Variants in UVRAG observed in about 807,000 individuals in gnomAD.
UVRAG encodes the protein UV radiation resistance-associated gene protein.
In UVRAG, 19 loss-of-function variants were observed where a neutral mutation model predicts 78.0. The observed-to-expected ratio is 0.24, with a 90% CI of 0.17 to 0.36. The LOEUF is 0.36. UVRAG is among the 10% of genes least tolerant of loss of function. UVRAG has a pLI of 1.00. For synonymous variants in UVRAG, 323 were observed against 324.6 expected, an observed-to-expected ratio of 1.00 and a Z score of 0.05; for missense variants, 740 against 853.8, an observed-to-expected ratio of 0.87 and a Z score of 1.66.
chr11:76,027,777 G>C lies in UVRAG; in HGVS notation c.1226+10797G>C, dbSNP rs74325028. Among the ~76,000 whole-genome samples, 1,422 of 152,194 alleles carry C rather than the reference G, an allele frequency of 9.3e-3. 24 individuals carry two copies. The highest frequency in any genetic ancestry group is 0.033 in the African/African-American group (1,354 of 41,542). On this transcript the variant is annotated intron_variant, in intron 12 of 14. Coordinates refer to ENST00000356136, the MANE Select transcript of UVRAG (RefSeq NM_003369.4). ...AGAAGATGGGCCTAATAAAGGGCAA[G>C]GAATATTAAAAATGTAATCCAGTGG...
At chr11:75,992,287 T>C (rs1257940813) in intron 8 of UVRAG, among the ~76,000 whole-genome samples, 1 of 152,224 alleles carries the variant, frequency 6.6e-6, no homozygotes. Flanking sequence ...ATCTCTATTT[T>C]ATCATGGAGA....
At chr11:75,868,823 A>T (rs1486810631) in intron 3 of UVRAG, among the ~76,000 whole-genome samples, 1 of 152,226 alleles carries the variant, frequency 6.6e-6, no homozygotes, top group African/African-American at 2.4e-5. Context: ...TAATCTACTC[A>T]TTGGTTATTT....
chr11:75,980,951 G>A (rs995121263), intron 7 of UVRAG, among the ~76,000 whole-genome samples: 4 of 151,996 alleles, frequency 2.6e-5, no homozygotes, highest in African/African-American at 9.7e-5. Flanking sequence ...AAAGTGCTGG[G>A]ATTACAGACC....
At chr11:76,000,021 A>G (rs1231174172) in intron 8 of UVRAG, among the ~76,000 whole-genome samples, 1 of 152,194 alleles carries the variant, frequency 6.6e-6, no homozygotes, top group African/African-American at 2.4e-5. Context: ...GCAACCAATA[A>G]ACATTTTTAA....
Position 76,016,939 on chromosome 11 carries a change from C to G in UVRAG, c.1185C>G (p.Ile395Met). The G allele has an allele frequency of 6.2e-7, 1 of 1,606,388 alleles. No homozygotes were observed. Among genetic ancestry groups the G allele is most frequent in the South Asian group, 1.1e-5 (1 of 89,548 alleles). ...PIIHKGSRSTIKDNINDKLTE... is the reference protein window; with the variant it reads ...PIIHKGSRSTMKDNINDKLTE... ...TTCATAAGGGGTCTAGATCAACAAT[C>G]AAAGACAATATCAATGACAAACTGA... is the stretch of plus-strand genomic sequence containing the variant. Residue 395 changes from isoleucine to methionine, a missense_variant, in exon 12 of 15, where the codon ATC becomes ATG. By Grantham distance (10) the Ile-to-Met change is conservative (BLOSUM62 1). Transcript: ENST00000356136.
intron 3 of UVRAG, among the ~76,000 whole-genome samples, chr11:75,873,304 A>G (rs1279655238): frequency 1.4e-4 from 22 of 151,786 alleles, no homozygotes; most frequent in Admixed American, 1.4e-3. Flanking sequence ...CCCCAAAGTG[A>G]TTAGGTCTTG....
intron 12 of UVRAG, among the ~76,000 whole-genome samples, chr11:76,038,930 GCTACA>G (rs1283591774): frequency 2.0e-5 from 3 of 152,158 alleles, no homozygotes; most frequent in Non-Finnish European, 2.9e-5. Context: ...ATGACCCTGA[GCTACA>G]CATGAGAAGC....
intron 1 of UVRAG, among the ~76,000 whole-genome samples, chr11:75,829,862 C>T (rs968772736): frequency 2.0e-5 from 3 of 152,170 alleles, no homozygotes; most frequent in East Asian, 3.8e-4. Flanking sequence ...TTTTTTGAGA[C>T]GAAGTCTCAC....
chr11:76,101,016 A>G (rs187033017), intron 13 of UVRAG, among the ~76,000 whole-genome samples: 2 of 152,236 alleles, frequency 1.3e-5, no homozygotes, highest in Admixed American at 1.3e-4. Context: ...CCACTGATGG[A>G]CACTTAGGTT....
intron 6 of UVRAG, among the ~76,000 whole-genome samples, chr11:75,948,857 GA>G (rs1461291063): frequency 2.0e-5 from 3 of 152,150 alleles, no homozygotes; most frequent in Non-Finnish European, 4.4e-5. Context: ...GCATTAGCAC[GA>G]ATCTTTGAAA....
chr11:76,004,880 G>C (rs949179446), intron 9 of UVRAG, among the ~76,000 whole-genome samples: 1 of 152,042 alleles, frequency 6.6e-6, no homozygotes, highest in East Asian at 1.9e-4. Flanking sequence ...AATTTTAGTC[G>C]CTCTCCCAAC....
At chr11:76,070,577 A>C (rs569068249) in intron 13 of UVRAG, among the ~76,000 whole-genome samples, 15 of 152,296 alleles carry the variant, frequency 9.8e-5, no homozygotes, top group African/African-American at 3.6e-4. Context: ...AATTGATACA[A>C]TATAAAATTT....
At chr11:76,024,736 A>G (rs573504151) in intron 12 of UVRAG, among the ~76,000 whole-genome samples, 80 of 152,274 alleles carry the variant, frequency 5.3e-4, no homozygotes, top group Middle Eastern at 6.8e-3. Context: ...TAAATATATA[A>G]ATAGAAATAT....
intron 11 of UVRAG, among the ~76,000 whole-genome samples, chr11:76,015,609 A>T (rs1202351950): frequency 1.3e-5 from 2 of 152,088 alleles, no homozygotes; most frequent in Non-Finnish European, 2.9e-5. Flanking sequence ...TATATAAAAA[A>T]ATATATAAAT....
intron 6 of UVRAG, among the ~76,000 whole-genome samples, chr11:75,949,253 C>T (rs1231447116): frequency 2.0e-5 from 3 of 152,280 alleles, no homozygotes; most frequent in African/African-American, 7.2e-5. Flanking sequence ...GCTCTCCCAG[C>T]TGTCCTTCTG....
chr11:76,064,520 G>A (rs73001576), intron 12 of UVRAG, among the ~76,000 whole-genome samples: 2,204 of 152,180 alleles, frequency 0.014, 30 homozygotes, highest in Non-Finnish European at 0.019. Context: ...TAAATATGAA[G>A]CTCTGTCTTC....
Position 75,832,391 on chromosome 11 carries a change from A to G in UVRAG, c.117+16867A>G, listed in dbSNP as rs572110201. On this transcript the variant is annotated intron_variant, in intron 1 of 14. Transcript: ENST00000356136. The stretch of plus-strand genomic sequence containing the variant: ...CCATGACCTTCTCCTTGTGTTCAGT[A>G]ATTTGTTAGAATGGCTCACAGAACT... Among the ~76,000 whole-genome samples the G allele has an allele frequency of 3.3e-5, 5 of 152,314 alleles. No individual in the cohort carries two copies. The South Asian group carries it at 8.3e-4, about 25-fold the overall frequency.
At chr11:76,124,072 G>C (rs1952340329) in intron 14 of UVRAG, among the ~76,000 whole-genome samples, 1 of 152,170 alleles carries the variant, frequency 6.6e-6, no homozygotes, top group African/African-American at 2.4e-5. Context: ...CTGAGTATCA[G>C]TTCTTTAAAT....
chr11:75,904,258 A>G (rs1313058800), intron 5 of UVRAG, among the ~76,000 whole-genome samples: 2 of 152,184 alleles, frequency 1.3e-5, no homozygotes, highest in African/African-American at 2.4e-5. Flanking sequence ...GAGCAGTTTA[A>G]TAGGCACTCA....
Sources: allele counts gnomAD v4.1 joint callset (sites outside exome capture counted in the v4.1 genomes callset), GRCh38; gene constraint gnomAD v4.1.1; transcripts MANE v1.5; gene names NCBI Gene and HGNC (gene_info 2026-07-23, HGNC 2026-07-21).